ATRIP: variants seen among roughly 807,000 people sequenced by gnomAD.
The protein encoded by ATRIP is ATR interacting protein.
Under a neutral mutation model 78.1 loss-of-function variants are expected in ATRIP, and 44 were observed. The ratio of observed to expected loss-of-function variants is 0.56; its 90% CI spans 0.44 to 0.72. ATRIP has a LOEUF of 0.72. Ranked by LOEUF, ATRIP falls within the 30% of genes least tolerant of loss-of-function variation. ATRIP has a pLI of 0.00. For missense variants in ATRIP, 927 were observed against 980.2 expected (o/e 0.95, Z 0.72); for synonymous variants, 388 against 408.9 (o/e 0.95, Z 0.62).
chr3:48,449,951 A>AG (rs1439104699), intron 1 of ATRIP, 86 bp from the exon 2 acceptor site: 3 of 1,443,122 alleles, frequency 2.1e-6, no homozygotes, highest in Non-Finnish European at 2.8e-6. Flanking sequence ...AAAGAAAAAA[A>AG]AAAAAAAAGT....
rs1315787002 is a variant in ATRIP at position 48,466,896 on chromosome 3, G to A, written c.*1342G>A. 3 of 1,612,162 alleles carry A rather than the reference G, an allele frequency of 1.9e-6. No individual in the cohort carries two copies. The highest frequency in any genetic ancestry group is 2.5e-6 in the Non-Finnish European group (3 of 1,180,040). On this transcript the variant is annotated 3_prime_UTR_variant, in exon 13 of 13. Coordinates refer to ENST00000320211, the MANE Select transcript of ATRIP (RefSeq NM_130384.3). ...TCCGGGGAAGGCCTGCAGCCCTGCA[G>A]CCAGCGAGATCACAGGTCTGAGCAC...
At chr3:48,454,206 T>G in intron 3 of ATRIP, 94 bp from the exon 4 acceptor site, 1 of 710,560 alleles carries the variant, frequency 1.4e-6, no homozygotes, top group East Asian at 2.6e-5. Context: ...GTATTTTTCA[T>G]TGTTTGTCTT....
In ATRIP at chr3:48,454,381, G is replaced by A. The variant is rs2039905065; in HGVS notation, c.634G>A (p.Ala212Thr). 3 of 1,613,522 alleles carry A rather than the reference G, an allele frequency of 1.9e-6. No homozygotes were observed. Among genetic ancestry groups the A allele is most frequent in the Admixed American group, 1.7e-5 (1 of 59,976 alleles). Reference sequence around the variant, plus strand: ...GACAAAGCTCCAGACCAGTGAACGAGCAAATAAACTGGCTGCTCCCTCTGT... The same window carrying A: ...GACAAAGCTCCAGACCAGTGAACGAACAAATAAACTGGCTGCTCCCTCTGT... ...LRTKLQTSER[A>T]NKLAAPSVSH... Residue 212 changes from alanine to threonine, a missense_variant, in exon 4 of 13, where the codon GCA becomes ACA. By Grantham distance (58) the Ala-to-Thr change is moderately conservative. Transcript: ENST00000320211.
intron 5 of ATRIP, 116 bp downstream of exon 5, chr3:48,457,532 G>GATTGTCCCCTCTGT: frequency 1.2e-6 from 1 of 834,890 alleles, no homozygotes; most frequent in Non-Finnish European, 1.7e-6. Context: ...AAGGCACAGA[G>GATTGTCCCCTCTGT]GGGACAATCT....
rs765661136 is a variant in ATRIP, at chr3:48,464,662, G to A, written c.2055G>A (p.Glu685=). ...GCTCCAACTGCCAGTGTAATGTGGAGGTGAGTGGGTAGGGGCCAACAGCTG... is the reference window on the plus strand; with the variant it reads ...GCTCCAACTGCCAGTGTAATGTGGAAGTGAGTGGGTAGGGGCCAACAGCTG... ...VTGSNCQCNV[E]VVRALTVMLH... is the part of the protein sequence containing the mutation. The change falls in exon 11 of 13, where the codon GAG becomes GAA. Residue 685 remains glutamate (E), a splice_region_variant and synonymous_variant. Transcript: ENST00000320211. 2 of 1,614,210 alleles carry A rather than the reference G, an allele frequency of 1.2e-6. No individual in the cohort carries two copies. The highest frequency in any genetic ancestry group is 1.7e-6 in the Non-Finnish European group (2 of 1,180,038).
chr3:48,451,992 A>G, intron 3 of ATRIP, 93 bp downstream of exon 3: 1 of 1,242,228 alleles, frequency 8.1e-7, no homozygotes, highest in South Asian at 1.7e-5. Flanking sequence ...AGATTTCAAC[A>G]CTTGTTTGTC....
Position 48,467,208 on chromosome 3 carries a change from C to T in ATRIP, c.*1654C>T, listed in dbSNP as rs145721839. 1.4e-5 allele frequency: 23 copies of T among 1,614,046 alleles called. No individual in the cohort carries two copies. Among genetic ancestry groups the T allele is most frequent in the Middle Eastern group, 3.3e-4 (2 of 6,062 alleles). On this transcript the variant is annotated 3_prime_UTR_variant, in exon 13 of 13. Coordinates refer to ENST00000320211, the MANE Select transcript of ATRIP (RefSeq NM_130384.3). The stretch of plus-strand genomic sequence containing the variant: ...CTATAGCCTAGGCAGCATCTACACT[C>T]GCCTGTATGGGCAGTCCCCTCCAGA...
chr3:48,455,939 G>A (rs2039945088), intron 4 of ATRIP, among the ~76,000 whole-genome samples: 1 of 152,006 alleles, frequency 6.6e-6, no homozygotes, highest in Non-Finnish European at 1.5e-5. Flanking sequence ...TGGCCAACAT[G>A]ATGAAACCCT....
In ATRIP at chr3:48,467,049, C is replaced by T. The variant is rs200510205; in HGVS notation, c.*1495C>T. Reference sequence around the variant, plus strand: ...ACACAATGGTGACCGCTACGACTTCCCCCTGCTCCAAGCAGAGCTGGCTAT... The same window carrying T: ...ACACAATGGTGACCGCTACGACTTCTCCCTGCTCCAAGCAGAGCTGGCTAT... On this transcript the variant is annotated 3_prime_UTR_variant, in exon 13 of 13. Coordinates refer to ENST00000320211, the MANE Select transcript of ATRIP (RefSeq NM_130384.3). 5 of 1,613,874 alleles carry T rather than the reference C, an allele frequency of 3.1e-6. No individual in the cohort carries two copies. The highest frequency in any genetic ancestry group is 2.7e-5 in the African/African-American group (2 of 74,940).
chr3:48,448,838 C>A (rs367755604), intron 1 of ATRIP, among the ~76,000 whole-genome samples: 2 of 152,206 alleles, frequency 1.3e-5, no homozygotes, highest in African/African-American at 4.8e-5. Flanking sequence ...TTGTTCTCTT[C>A]TGCAGTTCTT....
intron 5 of ATRIP, among the ~76,000 whole-genome samples, chr3:48,457,971 C>T (rs1054906001): frequency 6.6e-5 from 10 of 151,686 alleles, no homozygotes; most frequent in African/African-American, 2.4e-4. Flanking sequence ...TGTGTTGCAC[C>T]CATTAACTCG....
intron 5 of ATRIP, among the ~76,000 whole-genome samples, chr3:48,458,450 G>A (rs1272299032): frequency 1.3e-5 from 2 of 151,934 alleles, no homozygotes; most frequent in African/African-American, 4.8e-5. Context: ...AGCCTCCCGA[G>A]TAGCTGGGAC....
chr3:48,447,485 C>G (rs2039709901), intron 1 of ATRIP: 2 of 995,222 alleles, frequency 2.0e-6, no homozygotes, highest in Admixed American at 6.1e-5. Flanking sequence ...CCCACTGTCT[C>G]CCTTGGGCAG....
Position 48,467,590 on chromosome 3 carries a change from C to G in ATRIP, c.*2036C>G, listed in dbSNP as rs772805032. 12 of 1,611,186 alleles carry G rather than the reference C, an allele frequency of 7.4e-6. No individual in the cohort carries two copies. Among genetic ancestry groups the G allele is most frequent in the Non-Finnish European group, 1.0e-5 (12 of 1,178,370 alleles). ...CTGTATGGACTATCCCTGGCCACAC[C>G]TGGGGAGTAGGCCAAGAAGGAAAAT... On this transcript the variant is annotated 3_prime_UTR_variant, in exon 13 of 13. Coordinates refer to ENST00000320211, the MANE Select transcript of ATRIP (RefSeq NM_130384.3).
chr3:48,458,072 G>A (rs2040001174), intron 5 of ATRIP, among the ~76,000 whole-genome samples: 1 of 147,080 alleles, frequency 6.8e-6, no homozygotes, highest in Non-Finnish European at 1.5e-5. Flanking sequence ...CAAAGCATTT[G>A]TGGGCCTTTT....
chr3:48,455,004 A>G (rs940329614), intron 4 of ATRIP, among the ~76,000 whole-genome samples: 3 of 152,014 alleles, frequency 2.0e-5, no homozygotes, highest in Non-Finnish European at 4.4e-5. Context: ...CTGGGACTAC[A>G]GGCACACACC....
At chr3:48,451,691 C>A in intron 2 of ATRIP, 38 bp from the exon 3 acceptor site, 1 of 1,548,266 alleles carries the variant, frequency 6.5e-7, no homozygotes, top group South Asian at 1.2e-5. Flanking sequence ...GTAGTTTTCT[C>A]TTACAAAGTT....
At chr3:48,454,158 A>G (rs1460094882) in intron 3 of ATRIP, 142 bp from the exon 4 acceptor site, 1 of 605,458 alleles carries the variant, frequency 1.7e-6, no homozygotes, top group Non-Finnish European at 3.0e-6. Context: ...CTAATGTTTA[A>G]TATTTTAGGA....
rs760326508 is a variant in ATRIP, at chr3:48,460,367, C to T, written c.1313C>T (p.Ala438Val). The T allele has an allele frequency of 1.9e-6, 3 of 1,613,256 alleles. No homozygotes were observed. Among genetic ancestry groups the T allele is most frequent in the Non-Finnish European group, 1.7e-6 (2 of 1,179,558 alleles). Residue 438 changes from alanine to valine, a missense_variant, in exon 8 of 13, where the codon GCA (alanine) becomes GTA (valine). Coordinates refer to ENST00000320211, the MANE Select transcript of ATRIP (RefSeq NM_130384.3). ...GLHCQALQDL[A>V]AAKRSGAPGD... is the part of the protein sequence containing the mutation. Reference sequence around the variant, plus strand: ...CACTGCCAGGCCCTGCAGGACTTGGCAGCTGCTAAGAGAAGCGGAGCACCT... The same window carrying T: ...CACTGCCAGGCCCTGCAGGACTTGGTAGCTGCTAAGAGAAGCGGAGCACCT...
Sources: allele counts gnomAD v4.1 joint callset (sites outside exome capture counted in the v4.1 genomes callset), GRCh38; gene constraint gnomAD v4.1.1; transcripts MANE v1.5; gene names NCBI Gene and HGNC (gene_info 2026-07-23, HGNC 2026-07-21).